NSD1: variants seen among roughly 807,000 people sequenced by gnomAD.
The protein encoded by NSD1 is nuclear receptor binding SET domain protein 1.
NSD1 carries 26 observed loss-of-function variants against 242.7 expected under a neutral mutation model. The ratio of observed to expected loss-of-function variants is 0.11; its 90% CI spans 0.08 to 0.15. The LOEUF is 0.15. Ranked by LOEUF, NSD1 falls within the 10% of genes least tolerant of loss-of-function variation. NSD1 has a pLI of 1.00. For synonymous variants in NSD1, 1,106 were observed against 1,178.1 expected, an observed-to-expected ratio of 0.94 and a Z score of 1.25; for missense variants, 2,495 against 3,272.8, an observed-to-expected ratio of 0.76 and a Z score of 5.80.
chr5:177,270,930 G>A (rs901296567), intron 16 of NSD1, among the ~76,000 whole-genome samples: 3 of 152,176 alleles, frequency 2.0e-5, no homozygotes, highest in Non-Finnish European at 4.4e-5. Flanking sequence ...TGTGCTGTTA[G>A]TACTAATACT....
intron 8 of NSD1, among the ~76,000 whole-genome samples, chr5:177,240,586 G>A (rs540031279): frequency 2.7e-4 from 41 of 152,180 alleles, no homozygotes; most frequent in South Asian, 2.1e-3. Context: ...GGTGGCAGGC[G>A]CCTGTAGTCC....
intron 5 of NSD1, among the ~76,000 whole-genome samples, chr5:177,230,249 T>C (rs932963722): frequency 2.0e-5 from 3 of 152,092 alleles, no homozygotes; most frequent in African/African-American, 4.8e-5. Flanking sequence ...AGCCTCAGTA[T>C]GTTACTTTAT....
rs557578395 is a variant in NSD1, at chr5:177,233,618, C to A, written c.3797-2203C>A. Among the ~76,000 whole-genome samples the A allele has an allele frequency of 2.0e-5, 3 of 150,940 alleles. No individual in the cohort carries two copies. In the South Asian group the frequency reaches 6.3e-4, roughly 32 times the overall value. On this transcript the variant is annotated intron_variant, in intron 5 of 22. Coordinates refer to ENST00000439151, the MANE Select transcript of NSD1 (RefSeq NM_022455.5). ...GGTCTCGAACTCCTGAGCCACCGCA[C>A]CTGCCCCAAAGGCATGAATTTCTTA...
intron 2 of NSD1, among the ~76,000 whole-genome samples, chr5:177,140,879 C>A (rs1273655593): frequency 6.6e-6 from 1 of 152,064 alleles, no homozygotes; most frequent in Non-Finnish European, 1.5e-5. Flanking sequence ...AAAAATGATT[C>A]CTCAGAGGTT....
intron 2 of NSD1, among the ~76,000 whole-genome samples, chr5:177,146,593 T>G (rs975969872): frequency 1.3e-5 from 2 of 152,202 alleles, no homozygotes; most frequent in Non-Finnish European, 2.9e-5. Context: ...GAAATCTGTA[T>G]TTCTATCAGG....
Position 177,257,072 on chromosome 5 carries a change from G to T in NSD1, c.4887G>T (p.Gln1629His). The change falls in exon 13 of 23, where the codon CAG becomes CAT. Residue 1629 changes from glutamine to histidine, a missense_variant. Gln to His is a conservative substitution (Grantham distance 24). Around this residue, in one of 19 missense-constraint regions of NSD1, gnomAD observed 32 missense variants for 46.9 expected, o/e 0.68. Transcript: ENST00000439151. ...AGAAGTACCCACCCACTGTTATGCAGAACAAGGGCTTCCGGTGCTCCCTCC... is the reference window on the plus strand; with the variant it reads ...AGAAGTACCCACCCACTGTTATGCATAACAAGGGCTTCCGGTGCTCCCTCC... ...CVQKYPPTVMQNKGFRCSLHI... is the reference protein window; with the variant it reads ...CVQKYPPTVMHNKGFRCSLHI... The T allele has an allele frequency of 6.2e-7, 1 of 1,614,098 alleles. No individual in the cohort carries two copies. The highest frequency in any genetic ancestry group is 8.5e-7 in the Non-Finnish European group (1 of 1,180,006).
chr5:177,155,378 TC>T (rs1758044687), intron 2 of NSD1, among the ~76,000 whole-genome samples: 1 of 152,068 alleles, frequency 6.6e-6, no homozygotes, highest in Non-Finnish European at 1.5e-5. Flanking sequence ...TCCACCCGCC[TC>T]GGCCTCCCAA....
At chr5:177,218,445 A>G (rs911219160) in intron 5 of NSD1, among the ~76,000 whole-genome samples, 2 of 151,580 alleles carry the variant, frequency 1.3e-5, no homozygotes, top group Non-Finnish European at 2.9e-5. Context: ...TCAAGTGTGA[A>G]GGTCATGTAG....
chr5:177,277,010 G>A (rs1758446417), intron 17 of NSD1, among the ~76,000 whole-genome samples: 1 of 152,104 alleles, frequency 6.6e-6, no homozygotes, highest in Non-Finnish European at 1.5e-5. Flanking sequence ...AGTCCTGAGG[G>A]TCAGATAACA....
intron 12 of NSD1, among the ~76,000 whole-genome samples, chr5:177,252,428 G>A (rs182596448): frequency 1.6e-4 from 24 of 149,396 alleles, no homozygotes; most frequent in Admixed American, 1.1e-3. Context: ...TACCAAAAAA[G>A]TAAAAAGATT....
chr5:177,142,595 A>G (rs1756916536), intron 2 of NSD1, among the ~76,000 whole-genome samples: 1 of 152,232 alleles, frequency 6.6e-6, no homozygotes, highest in Non-Finnish European at 1.5e-5. Flanking sequence ...TTGTCAGGAG[A>G]TAAAGGTATA....
rs562251976 is a variant in NSD1, at chr5:177,293,275, A to G, written c.6464-557A>G. ...CTTAGGTCAGCTTTGGGTCTTTTCT[A>G]CTGATTCCATGTGAACAACATATAA... On this transcript the variant is annotated intron_variant, in intron 22 of 22. Coordinates refer to ENST00000439151, the MANE Select transcript of NSD1 (RefSeq NM_022455.5). Among the ~76,000 whole-genome samples, 7 of 152,286 alleles carry G rather than the reference A, an allele frequency of 4.6e-5. No homozygotes were observed. The East Asian group carries it at 1.2e-3, about 25-fold the overall frequency.
chr5:177,201,705 A>G (rs1448037946), intron 3 of NSD1, among the ~76,000 whole-genome samples: 1 of 151,214 alleles, frequency 6.6e-6, no homozygotes, highest in African/African-American at 2.4e-5. Context: ...ATTACAGGCA[A>G]GTTGCACCAC....
chr5:177,218,872 C>A (rs369472314), intron 5 of NSD1, among the ~76,000 whole-genome samples: 2 of 151,096 alleles, frequency 1.3e-5, no homozygotes, highest in East Asian at 2.0e-4. Flanking sequence ...CCCGGCCCCC[C>A]CTTTTTTTTT....
intron 8 of NSD1, among the ~76,000 whole-genome samples, chr5:177,242,064 G>A (rs528053690): frequency 6.6e-5 from 10 of 151,848 alleles, no homozygotes; most frequent in Non-Finnish European, 1.0e-4. Context: ...TATTCATATG[G>A]TATGATTGTT....
At chr5:177,158,287 TTC>T (rs1491175760) in intron 2 of NSD1, among the ~76,000 whole-genome samples, 1 of 95,686 alleles carries the variant, frequency 1.0e-5, no homozygotes, top group South Asian at 3.7e-4. Flanking sequence ...CTTTCTTTCT[TTC>T]TTTCTTTCTT....
chr5:177,202,270 TG>T (rs1762567922), intron 3 of NSD1, among the ~76,000 whole-genome samples: 1 of 152,190 alleles, frequency 6.6e-6, no homozygotes. Context: ...GCAGTTGTCA[TG>T]CCTTTTGTAC....
rs34848476 is a variant in NSD1, at chr5:177,181,427, G to GTTTTTT, written c.928-10444_928-10439dup. 1.0e-4 allele frequency among the ~76,000 whole-genome samples: 12 copies of GTTTTTT among 117,332 alleles called. 1 individual carries two copies. Among genetic ancestry groups the GTTTTTT allele is most frequent in the Admixed American group, 1.8e-4 (2 of 11,156 alleles). The allele number at this position is 117,332 out of a possible 152,430, so 77.0% of individuals were successfully genotyped here. ...AAACTTCATTATGGGTTTTTTTTTGGTTTTTTTTTTTTTTTTTTGGCAGGT... is the reference window on the plus strand; with the variant it reads ...AAACTTCATTATGGGTTTTTTTTTGGTTTTTTTTTTTTTTTTTTTTTTTTGGCAGGT... On this transcript the variant is annotated intron_variant, in intron 2 of 22. Coordinates refer to ENST00000439151, the MANE Select transcript of NSD1 (RefSeq NM_022455.5).
Position 177,185,939 on chromosome 5 carries a change from T to A in NSD1, c.928-5945T>A, listed in dbSNP as rs796977192. On this transcript the variant is annotated intron_variant, in intron 2 of 22. Transcript: ENST00000439151. ...ATATATTTATATATATAAATAAATATATATAATATAGTTATATATTTATAT... is the reference window on the plus strand; with the variant it reads ...ATATATTTATATATATAAATAAATAAATATAATATAGTTATATATTTATAT... 4.6e-4 allele frequency among the ~76,000 whole-genome samples: 41 copies of A among 89,806 alleles called. No individual in the cohort carries two copies. In the South Asian group the frequency reaches 9.2e-3, roughly 20 times the overall value. The allele number at this position is 89,806 out of a possible 152,430, so 58.9% of individuals were successfully genotyped here. A position where few individuals can be genotyped will look rare whatever the true frequency, so the allele number is the denominator to read the frequency against.
Sources: gnomAD v4.1 joint callset for allele counts (sites outside exome capture counted in the v4.1 genomes callset) on GRCh38, gnomAD v4.1.1 for gene constraint, gnomAD v4.1.1 regional missense constraint, MANE v1.5 for transcripts, NCBI Gene and HGNC (gene_info 2026-07-23, HGNC 2026-07-21) for gene names.